Variants in PABPC4L observed in about 807,000 individuals in gnomAD.
PABPC4L encodes the protein polyadenylate-binding protein 4-like.
For missense variants in PABPC4L, 452 were observed against 451.4 expected, an observed-to-expected ratio of 1.00 and a Z score of -0.01; for synonymous variants, 169 against 164.1, an observed-to-expected ratio of 1.03 and a Z score of -0.23.
the PABPC4L span, among the ~76,000 whole-genome samples, chr4:134,052,105 C>T: frequency 2.0e-5 from 3 of 151,988 alleles, no homozygotes; most frequent in Admixed American, 1.3e-4. Flanking sequence ...CAGCTGATTA[C>T]AAAAAGAGCC....
At chr4:133,984,067 T>C in the PABPC4L span, among the ~76,000 whole-genome samples, 1 of 151,832 alleles carries the variant, frequency 6.6e-6, no homozygotes, top group South Asian at 2.1e-4. Context: ...AGAAGTTAAA[T>C]CATATTGTAT....
the PABPC4L span, among the ~76,000 whole-genome samples, chr4:133,965,480 T>C: frequency 6.6e-6 from 1 of 152,038 alleles, no homozygotes; most frequent in African/African-American, 2.4e-5. Flanking sequence ...AAAATTCATA[T>C]GGAACCAAAA....
In PABPC4L at chr4:134,200,462, G is replaced by A; in HGVS notation, c.558C>T (p.Ala186=). The change falls in exon 2 of 2, where the codon GCC becomes GCT. Residue 186 remains alanine (A), a synonymous_variant. Coordinates refer to ENST00000421491, the MANE Select transcript of PABPC4L (RefSeq NM_001114734.2). The part of the protein sequence containing the change: ...KDREAELRSK[A]SEFTNVYIKN... ...TTATGTAAACATTGGTGAATTCACTGGCTTTGCTTCTGAGTTCAGCTTCAC... is the reference window on the plus strand; with the variant it reads ...TTATGTAAACATTGGTGAATTCACTAGCTTTGCTTCTGAGTTCAGCTTCAC... The A allele has an allele frequency of 6.4e-7, 1 of 1,551,696 alleles. No homozygotes were observed. Among genetic ancestry groups the A allele is most frequent in the East Asian group, 2.4e-5 (1 of 40,898 alleles).
At chr4:134,143,458 G>T in the PABPC4L span, among the ~76,000 whole-genome samples, 1 of 149,558 alleles carries the variant, frequency 6.7e-6, no homozygotes, top group African/African-American at 2.4e-5. Flanking sequence ...CTTATTTGTT[G>T]TTTCACATAG....
the PABPC4L span, among the ~76,000 whole-genome samples, chr4:134,186,301 T>A: frequency 1.3e-5 from 2 of 152,116 alleles, no homozygotes; most frequent in Non-Finnish European, 2.9e-5. Context: ...ACTACAAGGC[T>A]ACAGTAACCA....
chr4:134,105,788 TTTA>T, the PABPC4L span, among the ~76,000 whole-genome samples: 3 of 151,816 alleles, frequency 2.0e-5, no homozygotes, highest in Non-Finnish European at 1.5e-5. Context: ...TTTAGTGGGC[TTTA>T]TTCTCTAATC....
chr4:134,070,691 T>C, the PABPC4L span, among the ~76,000 whole-genome samples: 2 of 151,924 alleles, frequency 1.3e-5, no homozygotes, highest in African/African-American at 4.8e-5. Context: ...GGTGAACTGG[T>C]ACATGTTGGT....
At chr4:134,070,161 G>T in the PABPC4L span, among the ~76,000 whole-genome samples, 1 of 151,912 alleles carries the variant, frequency 6.6e-6, no homozygotes, top group Non-Finnish European at 1.5e-5. Context: ...TTGTTTTCTG[G>T]ACCCTTGTGA....
the PABPC4L span, among the ~76,000 whole-genome samples, chr4:134,147,769 G>T: frequency 6.7e-6 from 1 of 148,898 alleles, no homozygotes; most frequent in Non-Finnish European, 1.5e-5. Flanking sequence ...TGTTGTTGTT[G>T]TTTTTTCCTA....
chr4:133,981,264 C>T, the PABPC4L span, among the ~76,000 whole-genome samples: 13 of 152,134 alleles, frequency 8.5e-5, no homozygotes, highest in Admixed American at 3.3e-4. Flanking sequence ...AGGCAACCCT[C>T]AATTAGGTTT....
chr4:134,029,222 G>A, the PABPC4L span, among the ~76,000 whole-genome samples: 1 of 152,078 alleles, frequency 6.6e-6, no homozygotes. Flanking sequence ...GTTCCAGCAG[G>A]ATCCGGGAGG....
At chr4:134,130,413 T>A in the PABPC4L span, among the ~76,000 whole-genome samples, 1 of 152,036 alleles carries the variant, frequency 6.6e-6, no homozygotes, top group African/African-American at 2.4e-5. Flanking sequence ...TTTATGCAGA[T>A]AAACTAGCAA....
rs1213819956 is a variant in PABPC4L at position 134,198,670 on chromosome 4, A to G, written c.*1237T>C. ...TTAAATAACTCTTGCCTCGATTTCC[A>G]AATGGATTTGAAGCAGCACATATTA... On this transcript the variant is annotated 3_prime_UTR_variant, in exon 2 of 2. Coordinates refer to ENST00000421491, the MANE Select transcript of PABPC4L (RefSeq NM_001114734.2). The G allele has an allele frequency of 6.6e-6, 1 of 151,960 alleles. No homozygotes were observed. Among genetic ancestry groups the G allele is most frequent in the Non-Finnish European group, 1.5e-5 (1 of 67,830 alleles). The allele number at this position is 151,960 out of a possible 1,614,324, so 9.4% of individuals were successfully genotyped here. A position where few individuals can be genotyped will look rare whatever the true frequency, so the allele number is the denominator to read the frequency against.
chr4:134,143,091 T>G, the PABPC4L span, among the ~76,000 whole-genome samples: 1 of 151,538 alleles, frequency 6.6e-6, no homozygotes, highest in African/African-American at 2.4e-5. Context: ...TTTTAGAAAC[T>G]ATACACACGA....
chr4:134,153,166 C>G, the PABPC4L span, among the ~76,000 whole-genome samples: 1 of 152,152 alleles, frequency 6.6e-6, no homozygotes, highest in African/African-American at 2.4e-5. Context: ...TTCCTTTCAA[C>G]TCATTTTCAT....
At chr4:134,096,449 C>A in the PABPC4L span, among the ~76,000 whole-genome samples, 2 of 151,890 alleles carry the variant, frequency 1.3e-5, no homozygotes, top group South Asian at 2.1e-4. Flanking sequence ...GGTCAAACTA[C>A]AGTGGGCAAA....
the PABPC4L span, among the ~76,000 whole-genome samples, chr4:134,026,343 C>T: frequency 2.6e-5 from 4 of 151,660 alleles, no homozygotes; most frequent in Non-Finnish European, 4.4e-5. Context: ...TCAAGTGATT[C>T]TCCTCCCTCA....
chr4:134,164,992 C>G, the PABPC4L span, among the ~76,000 whole-genome samples: 2 of 152,228 alleles, frequency 1.3e-5, no homozygotes, highest in African/African-American at 4.8e-5. Flanking sequence ...TTATAACCAA[C>G]TGATCTTTGA....
chr4:133,991,090 C>A, the PABPC4L span, among the ~76,000 whole-genome samples: 1 of 152,140 alleles, frequency 6.6e-6, no homozygotes, highest in Non-Finnish European at 1.5e-5. Context: ...GTGATTATAA[C>A]TTGTATTCTG....
Sources: allele counts gnomAD v4.1 joint callset (sites outside exome capture counted in the v4.1 genomes callset), GRCh38; gene constraint gnomAD v4.1.1; transcripts MANE v1.5; gene names NCBI Gene and HGNC (gene_info 2026-07-23, HGNC 2026-07-21).